MPP4: variants seen among roughly 807,000 people sequenced by gnomAD.
MPP4 encodes the protein MAGUK p55 scaffold protein 4.
MPP4 carries 91 observed loss-of-function variants against 98.3 expected under a neutral mutation model. The ratio of observed to expected loss-of-function variants is 0.93; its 90% CI spans 0.78 to 1.10. MPP4 has a LOEUF of 1.10. Ranked by LOEUF, MPP4 falls within the 50% of genes least tolerant of loss-of-function variation. The pLI, the probability that MPP4 is intolerant of heterozygous loss-of-function variation, is 0.00. For missense variants in MPP4, 744 were observed against 792.9 expected, an observed-to-expected ratio of 0.94 and a Z score of 0.74; for synonymous variants, 261 against 271.8, an observed-to-expected ratio of 0.96 and a Z score of 0.39.
chr2:201,645,221 CAG>C lies in MPP4; in HGVS notation c.1901_1902del (p.Thr634ArgfsTer9). ...TTAAACAAGAAGTCTCATTGAGACT[CAG>C]TATCTGAGGAAATCCATGTTGCTGG... ...WVPATWISSD[T>X]ESQ On this transcript the variant is annotated frameshift_variant, in exon 22 of 22. Transcript: ENST00000409474. LOFTEE classifies it high-confidence loss of function. The C allele has an allele frequency of 6.2e-7, 1 of 1,612,340 alleles. No individual in the cohort carries two copies. The highest frequency in any genetic ancestry group is 8.5e-7 in the Non-Finnish European group (1 of 1,179,198).
In MPP4 at chr2:201,663,028, A is replaced by G. The variant is rs993940564; in HGVS notation, c.1072+1053T>C. On this transcript the variant is annotated intron_variant, in intron 14 of 21. Coordinates refer to ENST00000409474, the MANE Select transcript of MPP4 (RefSeq NM_033066.3). Reference sequence around the variant, plus strand: ...AAGAAAAAGAAAATTAATTCAGTATAGATATACTTTCCAGTTTATTTACTA... The same window carrying G: ...AAGAAAAAGAAAATTAATTCAGTATGGATATACTTTCCAGTTTATTTACTA... Among the ~76,000 whole-genome samples, 11 of 152,248 alleles carry G rather than the reference A, an allele frequency of 7.2e-5. No individual in the cohort carries two copies. In the South Asian group the frequency reaches 8.3e-4, roughly 11 times the overall value.
In MPP4 at chr2:201,660,234, T is replaced by C. The variant is rs114731986; in HGVS notation, c.1087+98A>G. The C allele has an allele frequency of 8.3e-3, 9,713 of 1,165,684 alleles. 54 individuals carry two copies. Among genetic ancestry groups the C allele is most frequent in the Non-Finnish European group, 0.011 (8,895 of 788,250 alleles). The allele number at this position is 1,165,684 out of a possible 1,614,324, so 72.2% of individuals were successfully genotyped here. A position where few individuals can be genotyped will look rare whatever the true frequency, so the allele number is the denominator to read the frequency against. Reference sequence around the variant, plus strand: ...ATAAACAACAACAAATTCCGTATCTTCATCTTAAACATTATCCAGTCAAGT... The same window carrying C: ...ATAAACAACAACAAATTCCGTATCTCCATCTTAAACATTATCCAGTCAAGT... On this transcript the variant is annotated intron_variant, in intron 15 of 21. Coordinates refer to ENST00000409474, the MANE Select transcript of MPP4 (RefSeq NM_033066.3).
intron 17 of MPP4, 75 bp from the exon 18 acceptor site, chr2:201,654,992 G>A (rs1687813665): frequency 1.1e-6 from 1 of 950,202 alleles, no homozygotes; most frequent in Non-Finnish European, 1.6e-6. Flanking sequence ...TATCATTTTA[G>A]TCCTTCTACT....
At chr2:201,657,601 G>GTTTTTTTTTTTTTTTTTTTT (rs1393900511) in intron 16 of MPP4, among the ~76,000 whole-genome samples, 5 of 105,018 alleles carry the variant, frequency 4.8e-5, no homozygotes, top group African/African-American at 1.1e-4. Flanking sequence ...TTTTTTTTTT[G>GTTTTTTTTTTTTTTTTTTTT]TTTTTTTGTT....
intron 10 of MPP4, among the ~76,000 whole-genome samples, 157 bp from the exon 11 acceptor site, chr2:201,675,428 G>A (rs1688482665): frequency 6.6e-6 from 1 of 152,192 alleles, no homozygotes; most frequent in Admixed American, 6.5e-5. Context: ...CAAATACATT[G>A]TCAAATAAAT....
At chr2:201,669,130 G>C (rs1019536918) in intron 12 of MPP4, among the ~76,000 whole-genome samples, 3 of 151,768 alleles carry the variant, frequency 2.0e-5, no homozygotes, top group East Asian at 1.9e-4. Context: ...GTGAGAGAGA[G>C]AGAGAGAGAG....
chr2:201,652,354 G>A lies in MPP4; in HGVS notation c.1382-2189C>T, dbSNP rs868586392. Among the ~76,000 whole-genome samples the A allele has an allele frequency of 6.6e-5, 10 of 152,250 alleles. 3 individuals are homozygous for A. The Middle Eastern group carries it at 0.024, about 365-fold the overall frequency. On this transcript the variant is annotated intron_variant, in intron 18 of 21. Coordinates refer to ENST00000409474, the MANE Select transcript of MPP4 (RefSeq NM_033066.3). ...GGTGCCTGTAATCTCAGCTACTCGG[G>A]AGGCTGAGGCAGGAGAATCACTTGA...
rs1193683979 is a variant in MPP4, at chr2:201,681,564, T to C, written c.664A>G (p.Met222Val). ...TTGAACATGATTGTGCCTCGAGACA[T>C]GGCCTGGAAAATAAGAGAGGAGAAA... is the stretch of plus-strand genomic sequence containing the variant. ...DPEQVIHILA[M>V]SRGTIMFKVV... The change falls in exon 9 of 22, where the codon ATG becomes GTG. Residue 222 changes from methionine to valine, a missense_variant. Transcript: ENST00000409474. 2 of 1,613,048 alleles carry C rather than the reference T, an allele frequency of 1.2e-6. No individual in the cohort carries two copies. The highest frequency in any genetic ancestry group is 1.7e-5 in the Admixed American group (1 of 59,960).
At chr2:201,690,036 C>A (rs1187292717) in intron 4 of MPP4, among the ~76,000 whole-genome samples, 166 bp downstream of exon 4, 1 of 151,938 alleles carries the variant, frequency 6.6e-6, no homozygotes, top group African/African-American at 2.4e-5. Context: ...GGGGAGATAC[C>A]CAGCCAATGT....
At chr2:201,679,746 G>A (rs546422511) in intron 10 of MPP4, among the ~76,000 whole-genome samples, 5 of 152,068 alleles carry the variant, frequency 3.3e-5, no homozygotes, top group East Asian at 1.9e-4. Flanking sequence ...TAAAAATTTC[G>A]CTCACACCAC....
rs1208078 is a variant in MPP4, at chr2:201,660,916, A to G, written c.1073-570T>C. Among the ~76,000 whole-genome samples, 521 of 152,184 alleles carry G rather than the reference A, an allele frequency of 3.4e-3. 3 individuals carry two copies. Among genetic ancestry groups the G allele is most frequent in the African/African-American group, 0.012 (492 of 41,512 alleles). On this transcript the variant is annotated intron_variant, in intron 14 of 21. Coordinates refer to ENST00000409474, the MANE Select transcript of MPP4 (RefSeq NM_033066.3). ...GTTTTCTAGATATCACAAAATAGCCATATTCTGTTTTTTGGTTTGTTTTGA... is the reference window on the plus strand; with the variant it reads ...GTTTTCTAGATATCACAAAATAGCCGTATTCTGTTTTTTGGTTTGTTTTGA...
chr2:201,668,449 TTTCTC>T lies in MPP4; in HGVS notation c.1012+1279_1012+1283del, dbSNP rs113238787. 7.0e-3 allele frequency among the ~76,000 whole-genome samples: 1,053 copies of T among 149,864 alleles called. 8 individuals are homozygous for T. Among genetic ancestry groups the T allele is most frequent in the African/African-American group, 0.017 (696 of 39,798 alleles). On this transcript the variant is annotated intron_variant, in intron 12 of 21. Transcript: ENST00000409474. ...CATCAGATCAATCGATCTCTCTCTCTTTCTCTTCTCTTCTCTTCTCTTCTCTTCCT... is the reference window on the plus strand; with the variant it reads ...CATCAGATCAATCGATCTCTCTCTCTTTCTCTTCTCTTCTCTTCTCTTCCT...
In MPP4 at chr2:201,651,399, G is replaced by A. The variant is rs796466814; in HGVS notation, c.1382-1234C>T. 22 of 985,336 alleles carry A rather than the reference G, an allele frequency of 2.2e-5. No homozygotes were observed. The African/African-American group carries it at 3.1e-4, about 14-fold the overall frequency. 61.0% of individuals were successfully genotyped at this position (985,336 alleles called of 1,614,324 possible). ...AACAAAATTCTAGTAAAACCTTATA[G>A]CTCTCAGGTGATAGTGAATTATGTC... On this transcript the variant is annotated intron_variant, in intron 18 of 21. Transcript: ENST00000409474.
chr2:201,694,256 T>C (rs1689115038), intron 1 of MPP4, among the ~76,000 whole-genome samples: 1 of 152,164 alleles, frequency 6.6e-6, no homozygotes, highest in Non-Finnish European at 1.5e-5. Flanking sequence ...TTCAGAAGAA[T>C]TGATTTCCTA....
At position 201,694,054 on chromosome 2, in the gene MPP4, A is replaced by C; in HGVS notation, c.-100T>G. ...CCCACTGGCCACCAGCTCTCAGCAC[A>C]CTGGAATATATTTTCAATAGCATTT... On this transcript the variant is annotated splice_region_variant and 5_prime_UTR_variant, in exon 2 of 22. Transcript: ENST00000409474. 1 of 1,607,632 alleles carries C rather than the reference A, an allele frequency of 6.2e-7. No homozygotes were observed. The highest frequency in any genetic ancestry group is 2.2e-5 in the East Asian group (1 of 44,786).
intron 18 of MPP4, chr2:201,652,006 T>A: frequency 3.1e-6 from 3 of 975,774 alleles, no homozygotes; most frequent in Non-Finnish European, 3.7e-6. Flanking sequence ...AAATGTTGAT[T>A]TCTTTGGTAG....
intron 14 of MPP4, chr2:201,661,989 G>A: frequency 6.1e-6 from 2 of 327,710 alleles, no homozygotes; most frequent in South Asian, 2.7e-5. Flanking sequence ...ATTTCTAACA[G>A]GCCAACCATC....
intron 11 of MPP4, among the ~76,000 whole-genome samples, chr2:201,673,738 A>G (rs1489361351): frequency 6.6e-6 from 1 of 152,250 alleles, no homozygotes; most frequent in Non-Finnish European, 1.5e-5. Context: ...TTGTCCTCAC[A>G]TCTTTTCAAT....
At chr2:201,671,684 A>G (rs1688347107) in intron 11 of MPP4, among the ~76,000 whole-genome samples, 1 of 152,200 alleles carries the variant, frequency 6.6e-6, no homozygotes, top group African/African-American at 2.4e-5. Flanking sequence ...AGGGATCAAC[A>G]CAACAAGAAG....
Sources: gnomAD v4.1 joint callset for allele counts (sites outside exome capture counted in the v4.1 genomes callset) on GRCh38, gnomAD v4.1.1 for gene constraint, MANE v1.5 for transcripts, NCBI Gene and HGNC (gene_info 2026-07-23, HGNC 2026-07-21) for gene names.